The following ACYP2 variants were observed in gnomAD, a reference collection of about 807,000 sequenced individuals.
The protein encoded by ACYP2 is acylphosphatase 2.
ACYP2 carries 12 observed loss-of-function variants against 11.2 expected under a neutral mutation model. That is an observed-to-expected ratio of 1.08 (90% CI 0.69 to 1.74). ACYP2 has a LOEUF of 1.74. ACYP2 is among the 40% of genes most tolerant of loss of function. The pLI is 0.00. For missense variants in ACYP2, 134 were observed against 101.9 expected (o/e 1.31, Z -1.35); for synonymous variants, 43 against 32.2 (o/e 1.33, Z -1.13).
chr2:54,159,822 T>C lies in ACYP2; in HGVS notation c.404+21074T>C, dbSNP rs1219844010. On this transcript the variant is annotated intron_variant, in intron 6 of 6. Coordinates refer to ENST00000607452, the MANE Select transcript of ACYP2 (RefSeq NM_001320586.2). ...TCTGTCACTATTCATCTCGCAGGCTTTTCTGTCCTCTGCCACAAGTGCTCT... is the reference window on the plus strand; with the variant it reads ...TCTGTCACTATTCATCTCGCAGGCTCTTCTGTCCTCTGCCACAAGTGCTCT... Among the ~76,000 whole-genome samples the C allele has an allele frequency of 2.0e-5, 3 of 152,078 alleles. No homozygotes were observed. In the East Asian group the frequency reaches 5.8e-4, roughly 29 times the overall value.
rs1467558118 is a variant in ACYP2, at chr2:54,197,939, ATTATATTGTATTGTATTGTATTGTAT to A, written c.404+59193_404+59218del. ...ATTATTTTATTTTATTTATGTATGT[ATTATATTGTATTGTATTGTATTGTAT>A]TGTATTGTATTGTATTGTATTGTAT... On this transcript the variant is annotated intron_variant, in intron 6 of 6. Coordinates refer to ENST00000607452, the MANE Select transcript of ACYP2 (RefSeq NM_001320586.2). 1.1e-4 allele frequency among the ~76,000 whole-genome samples: 8 copies of A among 72,384 alleles called. 1 individual carries two copies. The highest frequency in any genetic ancestry group is 2.9e-4 in the African/African-American group (5 of 17,106). 47.5% of individuals were successfully genotyped at this position (72,384 alleles called of 152,430 possible). A position where few individuals can be genotyped will look rare whatever the true frequency, so the allele number is the denominator to read the frequency against.
At chr2:54,193,859 TG>T (rs888643573) in intron 6 of ACYP2, among the ~76,000 whole-genome samples, 19 of 152,276 alleles carry the variant, frequency 1.2e-4, no homozygotes, top group African/African-American at 4.3e-4. Context: ...CATAATGAGT[TG>T]GGAAAAAATA....
chr2:54,046,449 C>T (rs185980458), intron 2 of ACYP2, among the ~76,000 whole-genome samples: 10 of 147,372 alleles, frequency 6.8e-5, no homozygotes, highest in African/African-American at 2.0e-4. Context: ...GCAGTGCCAT[C>T]GCACTCCAGC....
chr2:53,997,016 A>G (rs1177931565), intron 2 of ACYP2, among the ~76,000 whole-genome samples: 1 of 152,172 alleles, frequency 6.6e-6, no homozygotes, highest in Non-Finnish European at 1.5e-5. Context: ...TTCTGTTTTT[A>G]TATAACTTTG....
At chr2:54,182,057 T>C (rs964802776) in intron 6 of ACYP2, among the ~76,000 whole-genome samples, 22 of 145,086 alleles carry the variant, frequency 1.5e-4, no homozygotes, top group African/African-American at 4.9e-4. Flanking sequence ...ATTTTTTTTT[T>C]TTTTTTTTTT....
chr2:54,252,642 T>C (rs960765575), intron 6 of ACYP2, among the ~76,000 whole-genome samples: 3 of 152,234 alleles, frequency 2.0e-5, no homozygotes, highest in Non-Finnish European at 4.4e-5. Context: ...AATGGAATTA[T>C]ACCATTGGCA....
intron 3 of ACYP2, among the ~76,000 whole-genome samples, chr2:54,052,339 C>A (rs1298230979): frequency 6.6e-6 from 1 of 151,908 alleles, no homozygotes; most frequent in East Asian, 1.9e-4. Context: ...ATAACCCTGT[C>A]CTGGTGGCAT....
At chr2:54,178,839 T>G (rs11889533) in intron 6 of ACYP2, among the ~76,000 whole-genome samples, 7,417 of 152,302 alleles carry the variant, frequency 0.049, 267 homozygotes, top group African/African-American at 0.095. Flanking sequence ...TTTTCAGTTC[T>G]GAGCTGCGAG....
intron 4 of ACYP2, among the ~76,000 whole-genome samples, chr2:54,113,600 A>T (rs1223977840): frequency 6.6e-6 from 1 of 152,150 alleles, no homozygotes; most frequent in Non-Finnish European, 1.5e-5. Flanking sequence ...TGGATGCAGA[A>T]CCTGCTAATA....
intron 4 of ACYP2, among the ~76,000 whole-genome samples, chr2:54,101,556 T>G (rs1214511322): frequency 6.6e-6 from 1 of 151,776 alleles, no homozygotes. Context: ...GTAATCCAAT[T>G]CCAGCTACTC....
chr2:54,266,103 G>C (rs1688005507), intron 6 of ACYP2, among the ~76,000 whole-genome samples: 2 of 151,796 alleles, frequency 1.3e-5, no homozygotes, highest in Admixed American at 1.3e-4. Context: ...TCAACTCTTG[G>C]GTCAAAAAGG....
chr2:54,269,336 A>ATGTT, intron 6 of ACYP2, among the ~76,000 whole-genome samples: 1 of 152,376 alleles, frequency 6.6e-6, no homozygotes. Flanking sequence ...ATACTGAAAT[A>ATGTT]TGTTAGGAGC....
At chr2:54,141,844 A>T in intron 6 of ACYP2, 1 of 552,650 alleles carries the variant, frequency 1.8e-6, no homozygotes, top group Non-Finnish European at 3.3e-6. Context: ...TTATGTATTT[A>T]TTTATTTTTT....
intron 2 of ACYP2, among the ~76,000 whole-genome samples, chr2:54,027,862 CAG>C (rs1202286306): frequency 2.0e-5 from 2 of 98,330 alleles, no homozygotes; most frequent in African/African-American, 9.4e-5. Context: ...TTTTTTGAGA[CAG>C]AGTCTCACAC....
intron 6 of ACYP2, among the ~76,000 whole-genome samples, chr2:54,272,689 T>C (rs1054768261): frequency 1.8e-4 from 28 of 152,216 alleles, no homozygotes; most frequent in African/African-American, 6.8e-4. Flanking sequence ...TTCCTGAATA[T>C]GCATTATACA....
chr2:54,236,426 T>G (rs949022724), intron 6 of ACYP2, among the ~76,000 whole-genome samples: 1 of 152,234 alleles, frequency 6.6e-6, no homozygotes, highest in Non-Finnish European at 1.5e-5. Flanking sequence ...GGCTCTAATT[T>G]CCACTGTGAC....
intron 6 of ACYP2, among the ~76,000 whole-genome samples, chr2:54,150,355 A>G (rs986719146): frequency 6.6e-6 from 1 of 152,208 alleles, no homozygotes; most frequent in East Asian, 1.9e-4. Flanking sequence ...CTAACTCATC[A>G]AATGGTATGT....
intron 6 of ACYP2, among the ~76,000 whole-genome samples, chr2:54,233,207 T>C (rs560982160): frequency 2.8e-4 from 42 of 152,278 alleles, no homozygotes; most frequent in African/African-American, 9.6e-4. Context: ...ACTGCACATA[T>C]TTAAAGTATA....
At chr2:54,063,628 C>T (rs917235772) in intron 4 of ACYP2, among the ~76,000 whole-genome samples, 1 of 152,242 alleles carries the variant, frequency 6.6e-6, no homozygotes, top group African/African-American at 2.4e-5. Flanking sequence ...GCTATTCTTT[C>T]TAGGTTCTGG....
Sources: allele counts gnomAD v4.1 joint callset (sites outside exome capture counted in the v4.1 genomes callset), GRCh38; gene constraint gnomAD v4.1.1; transcripts MANE v1.5; gene names NCBI Gene and HGNC (gene_info 2026-07-23, HGNC 2026-07-21).